Variants in ARL15 observed in about 807,000 individuals in gnomAD.
ARL15 encodes ADP-ribosylation factor-like protein 15.
Under a neutral mutation model 25.2 loss-of-function variants are expected in ARL15, and 19 were observed. The observed-to-expected ratio is 0.75, with a 90% CI of 0.53 to 1.10. The LOEUF (loss-of-function observed/expected upper bound fraction) is 1.10, where lower values mean the gene tolerates loss of function less well. Ranked by LOEUF, ARL15 falls within the 50% of genes least tolerant of loss-of-function variation. ARL15 has a pLI of 0.00. For synonymous variants in ARL15, 94 were observed against 86.8 expected (o/e 1.08, Z -0.46); for missense variants, 220 against 246.0 (o/e 0.89, Z 0.71).
intron 4 of ARL15, among the ~76,000 whole-genome samples, chr5:53,936,597 A>C (rs901340484): frequency 3.3e-4 from 50 of 152,222 alleles, no homozygotes; most frequent in African/African-American, 1.1e-3. Context: ...AAAACTTCCA[A>C]GATTATTGTG....
intron 1 of ARL15, among the ~76,000 whole-genome samples, chr5:54,308,977 A>C (rs954934109): frequency 6.6e-6 from 1 of 152,234 alleles, no homozygotes; most frequent in African/African-American, 2.4e-5. Flanking sequence ...TGCAAGACAA[A>C]AACCATGTAT....
chr5:54,187,285 G>C (rs1326256451), intron 1 of ARL15, among the ~76,000 whole-genome samples: 1 of 152,088 alleles, frequency 6.6e-6, no homozygotes, highest in Non-Finnish European at 1.5e-5. Context: ...TGGGGCCCTG[G>C]CTACCAGGTT....
At chr5:54,144,196 T>C (rs1192201330) in intron 3 of ARL15, among the ~76,000 whole-genome samples, 1 of 151,088 alleles carries the variant, frequency 6.6e-6, no homozygotes, top group Non-Finnish European at 1.5e-5. Context: ...GCTCATTACA[T>C]CTAAATATTT....
rs1301385810 is a variant in ARL15 at position 54,107,737 on chromosome 5, GT to G, written c.462+5464del. 2.6e-5 allele frequency among the ~76,000 whole-genome samples: 4 copies of G among 152,136 alleles called. No homozygotes were observed. In the East Asian group the frequency reaches 7.7e-4, roughly 29 times the overall value. On this transcript the variant is annotated intron_variant, in intron 4 of 4. Coordinates refer to ENST00000504924, the MANE Select transcript of ARL15 (RefSeq NM_019087.3). ...AGGAAGATAGTGGAAAGGAATGGGG[GT>G]TTTAAAAGAGAACATAATAAATTAC...
chr5:54,022,709 C>G (rs1749646609), intron 4 of ARL15, among the ~76,000 whole-genome samples: 1 of 152,162 alleles, frequency 6.6e-6, no homozygotes, highest in Non-Finnish European at 1.5e-5. Flanking sequence ...CCATCAGGCC[C>G]TTTTTTGAGT....
chr5:54,239,633 G>A (rs960786030), intron 1 of ARL15, among the ~76,000 whole-genome samples: 1 of 152,038 alleles, frequency 6.6e-6, no homozygotes, highest in African/African-American at 2.4e-5. Flanking sequence ...GAAATATGAG[G>A]ACAAAAAGAA....
intron 4 of ARL15, 31 bp downstream of exon 4, chr5:54,113,171 G>A: frequency 2.5e-6 from 4 of 1,605,550 alleles, no homozygotes; most frequent in Non-Finnish European, 3.4e-6. Context: ...AAGCAAGGAA[G>A]ACAAAGAGTT....
intron 4 of ARL15, among the ~76,000 whole-genome samples, chr5:54,028,906 C>T (rs1233807213): frequency 2.6e-5 from 4 of 152,062 alleles, no homozygotes; most frequent in African/African-American, 9.7e-5. Context: ...CCTATAGTCC[C>T]AGCTACTTGG....
intron 4 of ARL15, among the ~76,000 whole-genome samples, chr5:53,917,771 A>G (rs966255364): frequency 5.3e-5 from 8 of 152,150 alleles, no homozygotes; most frequent in African/African-American, 1.9e-4. Flanking sequence ...AGGCTTTAAC[A>G]TTGCTCTAAT....
At chr5:54,298,020 A>G (rs10471891) in intron 1 of ARL15, among the ~76,000 whole-genome samples, 69,573 of 151,580 alleles carry the variant, frequency 0.46, 17,445 homozygotes, top group Non-Finnish European at 0.57. Context: ...TGACCTCGTG[A>G]TCCGCCCGCC....
At chr5:53,933,937 T>C (rs1746275997) in intron 4 of ARL15, among the ~76,000 whole-genome samples, 2 of 152,192 alleles carry the variant, frequency 1.3e-5, no homozygotes, top group African/African-American at 2.4e-5. Context: ...GTGGGCAGAA[T>C]CCCTTAAGCT....
chr5:54,223,540 A>G (rs1214372087), intron 1 of ARL15, among the ~76,000 whole-genome samples: 3 of 152,208 alleles, frequency 2.0e-5, no homozygotes, highest in African/African-American at 7.2e-5. Flanking sequence ...TATTTGGCCC[A>G]CTAGGCATAA....
intron 4 of ARL15, among the ~76,000 whole-genome samples, chr5:54,061,429 G>A (rs1751057494): frequency 6.6e-6 from 1 of 152,212 alleles, no homozygotes; most frequent in African/African-American, 2.4e-5. Context: ...GACTACCATA[G>A]TGAAACCCCA....
intron 4 of ARL15, among the ~76,000 whole-genome samples, chr5:53,888,693 A>G (rs1403232726): frequency 1.3e-5 from 2 of 152,216 alleles, no homozygotes; most frequent in East Asian, 1.9e-4. Context: ...CCTGGTGCAA[A>G]GACCAGTATC....
chr5:54,180,375 A>C (rs1024845234), intron 1 of ARL15, among the ~76,000 whole-genome samples: 1 of 152,140 alleles, frequency 6.6e-6, no homozygotes, highest in Non-Finnish European at 1.5e-5. Flanking sequence ...TCTTAGGGTG[A>C]CTAGTGGTTC....
chr5:53,981,166 AACT>A (rs1748105122), intron 4 of ARL15, among the ~76,000 whole-genome samples: 1 of 152,214 alleles, frequency 6.6e-6, no homozygotes, highest in African/African-American at 2.4e-5. Context: ...AAGATATAAT[AACT>A]AGATCCAGAA....
At chr5:54,281,618 C>T (rs576416502) in intron 1 of ARL15, among the ~76,000 whole-genome samples, 65 of 152,322 alleles carry the variant, frequency 4.3e-4, no homozygotes, top group African/African-American at 1.2e-3. Flanking sequence ...CAACCGGAAA[C>T]GTCTCCAAAC....
chr5:54,241,301 CAGAGT>C (rs1295308542), intron 1 of ARL15, among the ~76,000 whole-genome samples: 2 of 151,994 alleles, frequency 1.3e-5, no homozygotes, highest in Non-Finnish European at 2.9e-5. Flanking sequence ...TCCAGATTAC[CAGAGT>C]AATCTAAATA....
chr5:54,217,576 A>C (rs1052343133), intron 1 of ARL15, among the ~76,000 whole-genome samples: 19 of 152,180 alleles, frequency 1.2e-4, no homozygotes, highest in Non-Finnish European at 2.2e-4. Flanking sequence ...AGTTAGTTGT[A>C]TATGCCAAGA....
Sources: allele counts gnomAD v4.1 joint callset (sites outside exome capture counted in the v4.1 genomes callset), GRCh38; gene constraint gnomAD v4.1.1; transcripts MANE v1.5; gene names NCBI Gene and HGNC (gene_info 2026-07-23, HGNC 2026-07-21).